Variants in RBMS3 observed in about 807,000 individuals in gnomAD.
RBMS3 encodes the protein RNA-binding motif, single-stranded-interacting protein 3.
Under a neutral mutation model 66.8 loss-of-function variants are expected in RBMS3, and 27 were observed. The observed-to-expected ratio is 0.40, with a 90% CI of 0.30 to 0.56. RBMS3 has a LOEUF of 0.56. RBMS3 is among the 20% of genes least tolerant of loss of function. The pLI is 0.40. For missense variants in RBMS3, 513 were observed against 549.5 expected (o/e 0.93, Z 0.66); for synonymous variants, 188 against 183.0 (o/e 1.03, Z -0.22).
At chr3:29,612,477 A>G (rs542904825) in intron 4 of RBMS3, among the ~76,000 whole-genome samples, 4 of 152,160 alleles carry the variant, frequency 2.6e-5, no homozygotes, top group African/African-American at 9.6e-5. Context: ...TTGTTTGTAC[A>G]TGACTGTGCT....
chr3:29,495,417 C>CT (rs775377508), intron 3 of RBMS3, among the ~76,000 whole-genome samples: 7,351 of 111,870 alleles, frequency 0.066, 332 homozygotes, highest in East Asian at 0.12. Context: ...ATATTTCTTT[C>CT]TTTTTTTTTT....
At chr3:29,780,334 T>C (rs1397773506) in intron 6 of RBMS3, among the ~76,000 whole-genome samples, 4 of 151,776 alleles carry the variant, frequency 2.6e-5, no homozygotes, top group Admixed American at 6.6e-5. Flanking sequence ...AAAAAAAAAT[T>C]TGAGTGAATC....
chr3:29,639,406 G>T (rs892624710), intron 4 of RBMS3, among the ~76,000 whole-genome samples: 10 of 151,604 alleles, frequency 6.6e-5, no homozygotes, highest in African/African-American at 2.4e-4. Flanking sequence ...TTATAAACAC[G>T]CCTAGTGATA....
chr3:29,682,395 C>T lies in RBMS3; in HGVS notation c.400-57325C>T, dbSNP rs376890757. 2.9e-3 allele frequency among the ~76,000 whole-genome samples: 443 copies of T among 152,284 alleles called. 1 individual carries two copies. Among genetic ancestry groups the T allele is most frequent in the African/African-American group, 9.9e-3 (413 of 41,564 alleles). Reference sequence around the variant, plus strand: ...GTCTCCGTCTCCTGACCTCATGATCCGCCGGCCTTGGCCTCCCAAAGTGCG... The same window carrying T: ...GTCTCCGTCTCCTGACCTCATGATCTGCCGGCCTTGGCCTCCCAAAGTGCG... On this transcript the variant is annotated intron_variant, in intron 4 of 14. Coordinates refer to ENST00000383767, the MANE Select transcript of RBMS3 (RefSeq NM_001003793.3).
At chr3:29,405,672 A>G (rs893840801) in intron 1 of RBMS3, among the ~76,000 whole-genome samples, 1 of 152,146 alleles carries the variant, frequency 6.6e-6, no homozygotes, top group East Asian at 1.9e-4. Flanking sequence ...CTCAGTCTGT[A>G]AATTTTATGG....
rs1559456167 is a variant in RBMS3 at position 29,281,501 on chromosome 3, T to G, written c.-181T>G. The G allele has an allele frequency of 2.2e-5, 13 of 586,702 alleles. No homozygotes were observed. The allele number at this position is 586,702 out of a possible 1,614,324, so 36.3% of individuals were successfully genotyped here. A position where few individuals can be genotyped will look rare whatever the true frequency, so the allele number is the denominator to read the frequency against. ...TTTTTTTTTTTCCTTTGGTGTGTGT[T>G]TTTTGTTTTGTTTTGTTTTTTAAAA... On this transcript the variant is annotated 5_prime_UTR_variant, in exon 1 of 15. Transcript: ENST00000383767.
At chr3:29,538,073 G>T (rs534001351) in intron 3 of RBMS3, among the ~76,000 whole-genome samples, 1 of 152,082 alleles carries the variant, frequency 6.6e-6, no homozygotes, top group African/African-American at 2.4e-5. Flanking sequence ...GCTTATGAAT[G>T]GCCCTAGGGT....
intron 5 of RBMS3, among the ~76,000 whole-genome samples, chr3:29,759,719 C>T (rs576001526): frequency 2.0e-5 from 3 of 152,012 alleles, no homozygotes; most frequent in African/African-American, 7.3e-5. Context: ...TTCCTCCCCC[C>T]CCAGAGCTTT....
intron 6 of RBMS3, among the ~76,000 whole-genome samples, chr3:29,794,563 G>T (rs2057120509): frequency 6.6e-6 from 1 of 152,162 alleles, no homozygotes; most frequent in African/African-American, 2.4e-5. Flanking sequence ...TCCAGCATGG[G>T]CGACAGAGCA....
chr3:29,443,437 A>C (rs2041701579), intron 2 of RBMS3, among the ~76,000 whole-genome samples: 1 of 152,056 alleles, frequency 6.6e-6, no homozygotes, highest in South Asian at 2.1e-4. Context: ...AAAACATTAG[A>C]ATATGTAAAT....
Position 29,815,321 on chromosome 3 carries a change from T to C in RBMS3, c.637+52332T>C, listed in dbSNP as rs140143031. 7.6e-4 allele frequency among the ~76,000 whole-genome samples: 115 copies of C among 152,306 alleles called. 1 individual carries two copies. The Middle Eastern group carries it at 0.021, about 27-fold the overall frequency. ...CATGTCAAATACCCTGCAGCAATTATTATTTATAGTCACCTCTTTTAGAAC... is the reference window on the plus strand; with the variant it reads ...CATGTCAAATACCCTGCAGCAATTACTATTTATAGTCACCTCTTTTAGAAC... On this transcript the variant is annotated intron_variant, in intron 6 of 14. Coordinates refer to ENST00000383767, the MANE Select transcript of RBMS3 (RefSeq NM_001003793.3).
intron 4 of RBMS3, among the ~76,000 whole-genome samples, chr3:29,718,711 G>A (rs1040403256): frequency 2.0e-5 from 3 of 152,158 alleles, no homozygotes; most frequent in African/African-American, 7.2e-5. Context: ...TGCTTGGTAT[G>A]TAACTAGTAA....
intron 6 of RBMS3, among the ~76,000 whole-genome samples, chr3:29,858,942 C>T (rs1284070615): frequency 6.6e-6 from 1 of 152,132 alleles, no homozygotes; most frequent in Admixed American, 6.5e-5. Context: ...CTGCTTTTAT[C>T]GTCACTGTGG....
intron 4 of RBMS3, among the ~76,000 whole-genome samples, chr3:29,668,907 G>A (rs769186836): frequency 3.9e-5 from 6 of 152,212 alleles, no homozygotes; most frequent in Admixed American, 6.5e-5. Context: ...GATGTTGAAA[G>A]GTTAGATCCC....
chr3:29,872,935 T>C (rs1444487635), intron 7 of RBMS3, among the ~76,000 whole-genome samples: 1 of 152,186 alleles, frequency 6.6e-6, no homozygotes, highest in Non-Finnish European at 1.5e-5. Context: ...CTCTATTCTG[T>C]TCCGTTGGTC....
intron 1 of RBMS3, among the ~76,000 whole-genome samples, chr3:29,284,923 TA>T (rs2032167618): frequency 2.0e-5 from 3 of 147,740 alleles, no homozygotes; most frequent in Non-Finnish European, 3.0e-5. Flanking sequence ...TTACTTCGCT[TA>T]AGGAATAATG....
intron 12 of RBMS3, among the ~76,000 whole-genome samples, chr3:29,968,373 A>G (rs2149753201): frequency 6.6e-6 from 1 of 152,242 alleles, no homozygotes; most frequent in Middle Eastern, 3.4e-3. Flanking sequence ...TTCTCTCCCC[A>G]TTCAAATTGT....
chr3:29,578,841 T>C (rs559903868), intron 3 of RBMS3, among the ~76,000 whole-genome samples: 21 of 120,694 alleles, frequency 1.7e-4, no homozygotes, highest in East Asian at 4.8e-4. Flanking sequence ...GTCGCCCAGG[T>C]CGGACTGCGG....
In RBMS3 at chr3:29,936,151, A is replaced by C; in HGVS notation, c.1005A>C (p.Pro335=). ...TGCAGCCAGCCAACATGATGGGCCC[A>C]CTGACACAGCAGATGAATCACCTTT... ...MSMQPANMMG[P]LTQQMNHLSL... Residue 335 remains proline, a synonymous_variant, in exon 11 of 15, where the codon CCA becomes CCC. Coordinates refer to ENST00000383767, the MANE Select transcript of RBMS3 (RefSeq NM_001003793.3). 6.2e-7 allele frequency: 1 copy of C among 1,613,400 alleles called. No individual in the cohort carries two copies. The highest frequency in any genetic ancestry group is 8.5e-7 in the Non-Finnish European group (1 of 1,179,556).
Sources: gnomAD v4.1 joint callset for allele counts (sites outside exome capture counted in the v4.1 genomes callset) on GRCh38, gnomAD v4.1.1 for gene constraint, MANE v1.5 for transcripts, NCBI Gene and HGNC (gene_info 2026-07-23, HGNC 2026-07-21) for gene names.